Variants in OPA3 observed in about 807,000 individuals in gnomAD.
OPA3 encodes optic atrophy 3 protein.
In OPA3, 6 loss-of-function variants were observed where a neutral mutation model predicts 4.0. That is an observed-to-expected ratio of 1.51 (90% CI 0.83 to 2.99). OPA3 has a LOEUF of 2.99. Ranked by LOEUF, OPA3 falls within the 30% of genes most tolerant of loss-of-function variation. The probability of loss-of-function intolerance (pLI) is 0.00; values close to 1 mark genes in which losing one functional copy is unlikely to be tolerated. For synonymous variants in OPA3, 105 were observed against 117.1 expected, an observed-to-expected ratio of 0.90 and a Z score of 0.67; for missense variants, 235 against 256.2, an observed-to-expected ratio of 0.92 and a Z score of 0.56.
Position 45,549,218 on chromosome 19 carries a change from T to C in OPA3, c.*4296A>G. On this transcript the variant is annotated 3_prime_UTR_variant, in exon 2 of 2. Coordinates refer to ENST00000263275, the MANE Select transcript of OPA3 (RefSeq NM_025136.4). ...ATTACAAGGTACACAGAATTCTAGCTAGCAGAACACACGAGCAGTGAACCA... is the reference window on the plus strand; with the variant it reads ...ATTACAAGGTACACAGAATTCTAGCCAGCAGAACACACGAGCAGTGAACCA... 3 of 985,422 alleles carry C rather than the reference T, an allele frequency of 3.0e-6. No homozygotes were observed. Among genetic ancestry groups the C allele is most frequent in the African/African-American group, 1.7e-5 (1 of 57,364 alleles). The allele number at this position is 985,422 out of a possible 1,614,324, so 61.0% of individuals were successfully genotyped here.
At chr19:45,568,905 C>T (rs937152434) in intron 1 of OPA3, among the ~76,000 whole-genome samples, 27 of 152,154 alleles carry the variant, frequency 1.8e-4, no homozygotes, top group African/African-American at 6.5e-4. Context: ...AACTAATACC[C>T]TCAAATGTGC....
chr19:45,561,472 C>A (rs1969501634), intron 1 of OPA3, among the ~76,000 whole-genome samples: 1 of 152,134 alleles, frequency 6.6e-6, no homozygotes, highest in East Asian at 1.9e-4. Flanking sequence ...GAAGGGTCGT[C>A]ATAAGGACAC....
At chr19:45,562,233 G>C (rs527972743) in intron 1 of OPA3, among the ~76,000 whole-genome samples, 6 of 149,706 alleles carry the variant, frequency 4.0e-5, no homozygotes, top group Non-Finnish European at 5.9e-5. Context: ...TGTAATCCCA[G>C]TTACTTGGGA....
In OPA3 at chr19:45,551,584, G is replaced by T; in HGVS notation, c.*1930C>A. 3 of 451,966 alleles carry T rather than the reference G, an allele frequency of 6.6e-6. No homozygotes were observed. Among genetic ancestry groups the T allele is most frequent in the Non-Finnish European group, 8.8e-6 (3 of 342,592 alleles). 28.0% of individuals were successfully genotyped at this position (451,966 alleles called of 1,614,324 possible). ...GGGAGCGTGTCCCTGTCAGCACCTT[G>T]GTTTCAGACTTCTGGACTCCAGAAC... On this transcript the variant is annotated 3_prime_UTR_variant, in exon 2 of 2. Transcript: ENST00000263275.
At chr19:45,572,111 C>A (rs1012288782) in intron 1 of OPA3, among the ~76,000 whole-genome samples, 1 of 130,060 alleles carries the variant, frequency 7.7e-6, no homozygotes, top group Non-Finnish European at 1.7e-5. Context: ...ATATATATAT[C>A]AATATATATT....
At chr19:45,538,320 C>T (rs947424965) in intron 1 of OPA3, among the ~76,000 whole-genome samples, 1 of 152,040 alleles carries the variant, frequency 6.6e-6, no homozygotes, top group South Asian at 2.1e-4. Flanking sequence ...CATCAGGAGG[C>T]TGAGGGGGGA....
At chr19:45,558,128 T>G (rs1969448158) in intron 1 of OPA3, among the ~76,000 whole-genome samples, 1 of 151,920 alleles carries the variant, frequency 6.6e-6, no homozygotes, top group Non-Finnish European at 1.5e-5. Flanking sequence ...GGTAAGGAGT[T>G]CAAGACCAGC....
rs1969261878 is a variant in OPA3 at position 45,547,198 on chromosome 19, C to G, written c.*6316G>C. The G allele has an allele frequency of 6.6e-6, 1 of 152,230 alleles. No homozygotes were observed. Among genetic ancestry groups the G allele is most frequent in the Admixed American group, 6.6e-5 (1 of 15,264 alleles). The allele number at this position is 152,230 out of a possible 1,614,324, so 9.4% of individuals were successfully genotyped here. Reference sequence around the variant, plus strand: ...GGATGACCTCCACAGTTGTGCCAATCAAGGCAAGGGGCAGCCTTTGCTTGC... The same window carrying G: ...GGATGACCTCCACAGTTGTGCCAATGAAGGCAAGGGGCAGCCTTTGCTTGC... On this transcript the variant is annotated 3_prime_UTR_variant, in exon 2 of 2. Coordinates refer to ENST00000263275, the MANE Select transcript of OPA3 (RefSeq NM_025136.4).
chr19:45,555,081 T>C (rs1488121408), intron 1 of OPA3, among the ~76,000 whole-genome samples: 1 of 152,202 alleles, frequency 6.6e-6, no homozygotes, highest in African/African-American at 2.4e-5. Context: ...TGAGCCACCA[T>C]GTCCATCCAA....
At chr19:45,579,303 C>T (rs1265534945) in intron 1 of OPA3, among the ~76,000 whole-genome samples, 1 of 152,128 alleles carries the variant, frequency 6.6e-6, no homozygotes, top group Non-Finnish European at 1.5e-5. Flanking sequence ...TCACTGCAAC[C>T]TCTGCCTCTT....
At chr19:45,536,624 A>G (rs1352360481) in intron 1 of OPA3, among the ~76,000 whole-genome samples, 1 of 152,122 alleles carries the variant, frequency 6.6e-6, no homozygotes, top group Non-Finnish European at 1.5e-5. Context: ...TGGAGACCTT[A>G]CACTACCAGA....
At chr19:45,555,625 G>A (rs1012740989) in intron 1 of OPA3, among the ~76,000 whole-genome samples, 12 of 152,070 alleles carry the variant, frequency 7.9e-5, no homozygotes, top group African/African-American at 2.4e-4. Flanking sequence ...TGAGTAGCTG[G>A]GACTACAGGC....
chr19:45,529,437 C>T, exon 2 of OPA3: 1 of 1,614,200 alleles, frequency 6.2e-7, no homozygotes, highest in South Asian at 1.1e-5. Flanking sequence ...TTTTGGTCCG[C>T]ATCTCCAGCC....
chr19:45,563,168 GTT>G (rs1969530230), intron 1 of OPA3, among the ~76,000 whole-genome samples: 1 of 151,996 alleles, frequency 6.6e-6, no homozygotes, highest in African/African-American at 2.4e-5. Context: ...CAATTTTTTT[GTT>G]TGTTTTAGAG....
At chr19:45,544,881 G>A (rs1042014882), downstream of OPA3, among the ~76,000 whole-genome samples, 1 of 151,916 alleles carries the variant, frequency 6.6e-6, no homozygotes, top group Non-Finnish European at 1.5e-5. Context: ...TACTTGGGAG[G>A]CTGAGGCAGG....
intron 1 of OPA3, among the ~76,000 whole-genome samples, chr19:45,573,408 G>A (rs938902870): frequency 1.3e-5 from 2 of 151,992 alleles, no homozygotes; most frequent in Non-Finnish European, 2.9e-5. Flanking sequence ...CTGAGATCAC[G>A]CCACTGCACT....
intron 1 of OPA3, among the ~76,000 whole-genome samples, chr19:45,562,649 A>G (rs1599976981): frequency 6.6e-6 from 1 of 152,250 alleles, no homozygotes; most frequent in South Asian, 2.1e-4. Flanking sequence ...AGATCGCGCC[A>G]CTGCCCAGCC....
rs539518754 is a variant in OPA3, at chr19:45,534,680, T to C, written c.143-5224A>G. Among the ~76,000 whole-genome samples, 3 of 151,702 alleles carry C rather than the reference T, an allele frequency of 2.0e-5. No individual in the cohort carries two copies. The East Asian group carries it at 5.8e-4, about 30-fold the overall frequency. Reference sequence around the variant, plus strand: ...TGGAATCTTGCTCTGTTGCCCAGGCTGGAGTGCAGTGGCGTGATCTCAGCT... The same window carrying C: ...TGGAATCTTGCTCTGTTGCCCAGGCCGGAGTGCAGTGGCGTGATCTCAGCT... On this transcript the variant is annotated intron_variant, in intron 1 of 1. Coordinates refer to the OPA3 transcript ENST00000323060.
chr19:45,576,166 G>A (rs1322893105), intron 1 of OPA3, among the ~76,000 whole-genome samples: 3 of 151,660 alleles, frequency 2.0e-5, no homozygotes, highest in African/African-American at 4.8e-5. Context: ...GAGGTTGCAG[G>A]GAGCTGAGAT....
Sources: allele counts gnomAD v4.1 joint callset (sites outside exome capture counted in the v4.1 genomes callset), GRCh38; gene constraint gnomAD v4.1.1; transcripts MANE v1.5; gene names NCBI Gene and HGNC (gene_info 2026-07-23, HGNC 2026-07-21).